The following ZMPSTE24 variants were observed in gnomAD, a reference collection of about 807,000 sequenced individuals.
ZMPSTE24 encodes the protein CAAX prenyl protease 1 homolog.
A neutral mutation model predicts 56.7 loss-of-function variants in ZMPSTE24; 48 were observed. That is an observed-to-expected ratio of 0.85 (90% CI 0.67 to 1.08). The LOEUF is 1.08. Ranked by LOEUF, ZMPSTE24 falls within the 50% of genes least tolerant of loss-of-function variation. The pLI is 0.00. For synonymous variants in ZMPSTE24, 172 were observed against 195.2 expected (o/e 0.88, Z 0.99); for missense variants, 503 against 548.7 (o/e 0.92, Z 0.83).
At chr1:40,280,255 G>A (rs761513476) in intron 6 of ZMPSTE24, among the ~76,000 whole-genome samples, 12 of 151,978 alleles carry the variant, frequency 7.9e-5, no homozygotes, top group African/African-American at 2.2e-4. Flanking sequence ...CTGCCACTAC[G>A]CTCCTCATCT....
chr1:40,274,600 CAT>C (rs1191890059), intron 6 of ZMPSTE24, among the ~76,000 whole-genome samples: 2 of 152,138 alleles, frequency 1.3e-5, no homozygotes, highest in Non-Finnish European at 2.9e-5. Flanking sequence ...AAATCTGAGA[CAT>C]AGGCAAGAAT....
chr1:40,274,902 G>C (rs1643653052), intron 6 of ZMPSTE24, among the ~76,000 whole-genome samples: 1 of 152,070 alleles, frequency 6.6e-6, no homozygotes, highest in Non-Finnish European at 1.5e-5. Flanking sequence ...GGGAGAATAA[G>C]GGAAAGAGTG....
intron 2 of ZMPSTE24, among the ~76,000 whole-genome samples, chr1:40,261,966 C>T (rs1246452165): frequency 6.6e-6 from 1 of 152,180 alleles, no homozygotes; most frequent in Non-Finnish European, 1.5e-5. Context: ...GCCTTGGCCT[C>T]CCAAAGTACT....
chr1:40,269,094 AAAAG>A (rs1163628422), intron 4 of ZMPSTE24, among the ~76,000 whole-genome samples: 130 of 150,048 alleles, frequency 8.7e-4, no homozygotes, highest in Non-Finnish European at 1.3e-3. Flanking sequence ...AAAAAAAAAA[AAAAG>A]AAAGAAAAAA....
chr1:40,275,187 A>T (rs963231252), intron 6 of ZMPSTE24, among the ~76,000 whole-genome samples: 11 of 141,012 alleles, frequency 7.8e-5, no homozygotes, highest in Non-Finnish European at 6.0e-5. Context: ...GGGGAGGCCG[A>T]GGTGGGCGGA....
In ZMPSTE24 at chr1:40,290,546, C is replaced by T. The variant is rs145844884; in HGVS notation, c.1060-308C>T. 0.024 allele frequency: 6,480 copies of T among 271,364 alleles called. 466 individuals carry two copies. The highest frequency in any genetic ancestry group is 0.16 in the African/African-American group (6,128 of 39,144). The allele number at this position is 271,364 out of a possible 1,614,324, so 16.8% of individuals were successfully genotyped here. A position where few individuals can be genotyped will look rare whatever the true frequency, so the allele number is the denominator to read the frequency against. ...CGCCATTTCAGCTCACTGCAAGCTC[C>T]GCCTCCCGGGTTCACGCCATTCTCC... On this transcript the variant is annotated intron_variant, in intron 8 of 9. Coordinates refer to ENST00000372759, the MANE Select transcript of ZMPSTE24 (RefSeq NM_005857.5).
Position 40,292,745 on chromosome 1 carries a change from T to A in ZMPSTE24, c.*76T>A, listed in dbSNP as rs1399435618. The stretch of plus-strand genomic sequence containing the variant: ...AGCATGTTCCAGCTCTTGATGTTTT[T>A]AAACTTTTTTTTAGAAGAAAAATTA... On this transcript the variant is annotated 3_prime_UTR_variant, in exon 10 of 10. Transcript: ENST00000372759. 1.4e-6 allele frequency: 2 copies of A among 1,442,862 alleles called. No individual in the cohort carries two copies. Among genetic ancestry groups the A allele is most frequent in the East Asian group, 4.6e-5 (2 of 43,770 alleles). The allele number at this position is 1,442,862 out of a possible 1,614,324, so 89.4% of individuals were successfully genotyped here. A position where few individuals can be genotyped will look rare whatever the true frequency, so the allele number is the denominator to read the frequency against.
At chr1:40,270,156 T>C in intron 5 of ZMPSTE24, 29 bp downstream of exon 5, 1 of 1,612,550 alleles carries the variant, frequency 6.2e-7, no homozygotes, top group Non-Finnish European at 8.5e-7. Flanking sequence ...TCGTTTTCTT[T>C]TGCAAAAGTT....
chr1:40,286,528 C>T (rs1017928062), intron 8 of ZMPSTE24, among the ~76,000 whole-genome samples: 1 of 151,988 alleles, frequency 6.6e-6, no homozygotes, highest in African/African-American at 2.4e-5. Context: ...TCAAGCGATT[C>T]TCCTATCTCA....
intron 6 of ZMPSTE24, among the ~76,000 whole-genome samples, chr1:40,280,319 T>G (rs372097018): frequency 6.6e-6 from 1 of 152,224 alleles, no homozygotes; most frequent in African/African-American, 2.4e-5. Flanking sequence ...CGCTGTACGT[T>G]CGTTAGCAGT....
At chr1:40,267,964 T>A in intron 3 of ZMPSTE24, 92 bp downstream of exon 3, 2 of 1,122,316 alleles carry the variant, frequency 1.8e-6, no homozygotes, top group Non-Finnish European at 2.7e-6. Context: ...CTGCCAATGT[T>A]AAGATTTGCC....
At chr1:40,277,482 T>C (rs932182853) in intron 6 of ZMPSTE24, among the ~76,000 whole-genome samples, 1 of 152,150 alleles carries the variant, frequency 6.6e-6, no homozygotes, top group Admixed American at 6.5e-5. Flanking sequence ...ACTTAGTAGG[T>C]GTTTCCAGTA....
At chr1:40,284,701 G>A (rs1643767231) in intron 7 of ZMPSTE24, among the ~76,000 whole-genome samples, 1 of 152,120 alleles carries the variant, frequency 6.6e-6, no homozygotes, top group Non-Finnish European at 1.5e-5. Flanking sequence ...GCCGTGAGCC[G>A]AGATCGTGCC....
intron 1 of ZMPSTE24, chr1:40,259,531 AG>A (rs1557771974): frequency 6.6e-6 from 1 of 152,296 alleles, no homozygotes; most frequent in African/African-American, 2.4e-5. Context: ...CTAGGATTAC[AG>A]GCACGTGCCA....
At chr1:40,273,997 T>C (rs1190700552) in intron 6 of ZMPSTE24, among the ~76,000 whole-genome samples, 3 of 152,146 alleles carry the variant, frequency 2.0e-5, no homozygotes, top group Non-Finnish European at 4.4e-5. Context: ...GGTTATGACC[T>C]GAGCTGGGTG....
intron 5 of ZMPSTE24, among the ~76,000 whole-genome samples, chr1:40,270,627 C>A (rs1643605069): frequency 6.6e-6 from 1 of 152,100 alleles, no homozygotes; most frequent in Non-Finnish European, 1.5e-5. Context: ...CCCCTTCTAT[C>A]TTTTACCCAT....
chr1:40,263,730 C>CT (rs1282418065), intron 2 of ZMPSTE24, among the ~76,000 whole-genome samples: 6,406 of 124,112 alleles, frequency 0.052, 444 homozygotes, highest in African/African-American at 0.16. Context: ...TTAGCTTCGA[C>CT]TTTTTTTTTT....
At chr1:40,259,894 C>T (rs1643478215) in intron 1 of ZMPSTE24, among the ~76,000 whole-genome samples, 2 of 152,108 alleles carry the variant, frequency 1.3e-5, no homozygotes, top group South Asian at 2.1e-4. Context: ...CCACCGTGCT[C>T]GATCTCCCCT....
intron 8 of ZMPSTE24, among the ~76,000 whole-genome samples, chr1:40,289,025 G>A (rs1270306346): frequency 6.6e-6 from 1 of 151,792 alleles, no homozygotes; most frequent in Non-Finnish European, 1.5e-5. Flanking sequence ...CTTTCATCTG[G>A]TGCCAGCATA....
Sources: allele counts gnomAD v4.1 joint callset (sites outside exome capture counted in the v4.1 genomes callset), GRCh38; gene constraint gnomAD v4.1.1; transcripts MANE v1.5; gene names NCBI Gene and HGNC (gene_info 2026-07-23, HGNC 2026-07-21).